Variants in BUB1B observed in about 807,000 individuals in gnomAD.
The protein encoded by BUB1B is BUB1 mitotic checkpoint serine/threonine kinase B.
A neutral mutation model predicts 137.7 loss-of-function variants in BUB1B; 86 were observed. The ratio of observed to expected loss-of-function variants is 0.62; its 90% CI spans 0.52 to 0.75. BUB1B has a LOEUF of 0.75. Among genes scored for constraint, BUB1B ranks in the 30% least tolerant of loss-of-function variants. The probability of loss-of-function intolerance (pLI) is 0.00; values close to 1 mark genes in which losing one functional copy is unlikely to be tolerated. For synonymous variants in BUB1B, 420 were observed against 417.9 expected (o/e 1.00, Z -0.06); for missense variants, 1,130 against 1,236.9 (o/e 0.91, Z 1.30).
At chr15:40,218,700 A>G in intron 22 of BUB1B, 138 bp downstream of exon 22, 3 of 720,296 alleles carry the variant, frequency 4.2e-6, no homozygotes, top group African/African-American at 3.5e-5. Flanking sequence ...TTTTCATTAG[A>G]GTATCAGCAG....
chr15:40,201,430 G>T (rs1028767623), intron 12 of BUB1B, among the ~76,000 whole-genome samples: 5 of 152,088 alleles, frequency 3.3e-5, no homozygotes, highest in Non-Finnish European at 5.9e-5. Flanking sequence ...TTAAACCTCT[G>T]TTTCTAACCG....
At chr15:40,216,020 T>C (rs1055194748) in intron 20 of BUB1B, among the ~76,000 whole-genome samples, 3 of 152,222 alleles carry the variant, frequency 2.0e-5, no homozygotes, top group East Asian at 3.8e-4. Context: ...TCCAAAAAAA[T>C]GGAATGTCCT....
chr15:40,201,911 C>T (rs542970790), intron 12 of BUB1B, among the ~76,000 whole-genome samples: 37 of 152,210 alleles, frequency 2.4e-4, no homozygotes, highest in South Asian at 1.9e-3. Context: ...CCTCGTGATC[C>T]GCCCACCATG....
Position 40,210,278 on chromosome 15 carries a change from A to C in BUB1B, c.2385+68A>C, listed in dbSNP as rs2037694864. The C allele has an allele frequency of 1.7e-5, 20 of 1,150,428 alleles. No individual in the cohort carries two copies. The South Asian group carries it at 2.4e-4, about 14-fold the overall frequency. 71.3% of individuals were successfully genotyped at this position (1,150,428 alleles called of 1,614,324 possible). The stretch of plus-strand genomic sequence containing the variant: ...ACGGATTGGAGCAATAACTGTCCTC[A>C]TGTTACCATCAAATCTTTCTAATAA... On this transcript the variant is annotated intron_variant, in intron 18 of 22. Transcript: ENST00000287598.
chr15:40,172,842 A>G (rs1479830986), intron 4 of BUB1B, among the ~76,000 whole-genome samples: 2 of 152,236 alleles, frequency 1.3e-5, no homozygotes, highest in African/African-American at 2.4e-5. Context: ...TATTAGTTAC[A>G]GAAACTTATA....
chr15:40,199,859 G>A (rs772393676), intron 10 of BUB1B, 132 bp downstream of exon 10: 25 of 738,672 alleles, frequency 3.4e-5, no homozygotes, highest in South Asian at 5.0e-5. Context: ...GTTAGTAGCC[G>A]GAAAGTTGAG....
chr15:40,193,468 CTTTTTTTTTTTT>C (rs555918648), intron 8 of BUB1B, among the ~76,000 whole-genome samples: 2 of 79,718 alleles, frequency 2.5e-5, no homozygotes, highest in African/African-American at 5.0e-5. Context: ...CTTATTACCA[CTTTTTTTTTTTT>C]TTTTTTTTTT....
intron 4 of BUB1B, among the ~76,000 whole-genome samples, chr15:40,173,383 AGTT>A (rs1390297492): frequency 6.6e-6 from 1 of 151,450 alleles, no homozygotes; most frequent in African/African-American, 2.4e-5. Context: ...ATTTAATTGG[AGTT>A]GTTAAAAGTA....
At chr15:40,206,048 C>G in intron 14 of BUB1B, 136 bp from the exon 15 acceptor site, 1 of 871,206 alleles carries the variant, frequency 1.1e-6, no homozygotes, top group Non-Finnish European at 1.8e-6. Context: ...GATATAAAAA[C>G]CTTTTTATAT....
intron 8 of BUB1B, among the ~76,000 whole-genome samples, chr15:40,193,840 A>G (rs6492935): frequency 0.71 from 107,821 of 151,050 alleles, 39,334 homozygotes; most frequent in African/African-American, 0.83. Context: ...GTTGCAGTGA[A>G]CTGCGATCAT....
intron 6 of BUB1B, 139 bp from the exon 7 acceptor site, chr15:40,185,026 T>A: frequency 5.8e-6 from 4 of 694,464 alleles, no homozygotes; most frequent in Non-Finnish European, 9.3e-6. Context: ...TTTTTAAAGA[T>A]TATTTTTAAA....
Position 40,191,906 on chromosome 15 carries a change from A to G in BUB1B, c.1059-4639A>G, listed in dbSNP as rs570266125. ...ATCTCGATTACTGCAGATTTGTAGT[A>G]ACTTTTGAAATTGAGAAGGATGAAT... On this transcript the variant is annotated intron_variant, in intron 8 of 22. Transcript: ENST00000287598. 3.9e-5 allele frequency among the ~76,000 whole-genome samples: 6 copies of G among 152,194 alleles called. No homozygotes were observed. The East Asian group carries it at 1.2e-3, about 29-fold the overall frequency.
At chr15:40,219,255 C>A (rs1216353934) in intron 22 of BUB1B, among the ~76,000 whole-genome samples, 2 of 152,080 alleles carry the variant, frequency 1.3e-5, no homozygotes, top group African/African-American at 4.8e-5. Flanking sequence ...TAATAAGCAT[C>A]CTTTGAAAAG....
At chr15:40,163,644 T>C (rs926858496) in intron 1 of BUB1B, among the ~76,000 whole-genome samples, 1 of 152,216 alleles carries the variant, frequency 6.6e-6, no homozygotes, top group Admixed American at 6.5e-5. Context: ...TAAATGATTA[T>C]TTTTTGTTTT....
chr15:40,164,954 A>T, intron 1 of BUB1B, 99 bp from the exon 2 acceptor site: 1 of 1,466,734 alleles, frequency 6.8e-7, no homozygotes, highest in Admixed American at 1.7e-5. Context: ...TATTCAACCC[A>T]AGACCATGAA....
intron 14 of BUB1B, among the ~76,000 whole-genome samples, chr15:40,204,451 T>C (rs1256547793): frequency 6.6e-6 from 1 of 151,476 alleles, no homozygotes; most frequent in Non-Finnish European, 1.5e-5. Flanking sequence ...TTTTTTTTTT[T>C]TTAACCAGTC....
At position 40,194,422 on chromosome 15, in the gene BUB1B, G is replaced by A. The variant is rs146327302; in HGVS notation, c.1059-2123G>A. Among the ~76,000 whole-genome samples, 263 of 152,256 alleles carry A rather than the reference G, an allele frequency of 1.7e-3. 1 individual carries two copies. The highest frequency in any genetic ancestry group is 6.0e-3 in the African/African-American group (251 of 41,538). On this transcript the variant is annotated intron_variant, in intron 8 of 22. Transcript: ENST00000287598. ...TCCTTGTCTTGTTCCTGATCTTAGG[G>A]GGAAAGCATCTAGCCTTTTACCATG... is the stretch of plus-strand genomic sequence containing the variant.
intron 6 of BUB1B, among the ~76,000 whole-genome samples, chr15:40,184,381 C>A (rs181400904): frequency 6.6e-6 from 1 of 151,636 alleles, no homozygotes; most frequent in African/African-American, 2.4e-5. Flanking sequence ...CATAGCTCAC[C>A]GCAGCTTCAA....
At chr15:40,216,392 C>A (rs564374709) in intron 20 of BUB1B, among the ~76,000 whole-genome samples, 1 of 151,864 alleles carries the variant, frequency 6.6e-6, no homozygotes, top group East Asian at 1.9e-4. Flanking sequence ...GAGCTGAGAT[C>A]GCACCACTGT....
Sources: gnomAD v4.1 joint callset for allele counts (sites outside exome capture counted in the v4.1 genomes callset) on GRCh38, gnomAD v4.1.1 for gene constraint, MANE v1.5 for transcripts, NCBI Gene and HGNC (gene_info 2026-07-23, HGNC 2026-07-21) for gene names.